The following INPP4A variants were observed in gnomAD, a reference collection of about 807,000 sequenced individuals.
INPP4A encodes the protein inositol polyphosphate-4-phosphatase type I A, also known as inositol polyphosphate-4-phosphatase, type I, 107kD.
In INPP4A, 33 loss-of-function variants were observed where a neutral mutation model predicts 119.8. The observed-to-expected ratio is 0.28, with a 90% CI of 0.21 to 0.37. INPP4A has a LOEUF of 0.37. Among genes scored for constraint, INPP4A ranks in the 10% least tolerant of loss-of-function variants. The probability of loss-of-function intolerance (pLI) is 1.00; values close to 1 mark genes in which losing one functional copy is unlikely to be tolerated. For missense variants in INPP4A, 956 were observed against 1,289.9 expected (o/e 0.74, Z 3.97); for synonymous variants, 496 against 500.7 (o/e 0.99, Z 0.12).
At chr2:98,519,222 T>C (rs1219848496) in intron 2 of INPP4A, 197 bp downstream of exon 2, 1 of 152,260 alleles carries the variant, frequency 6.6e-6, no homozygotes, top group Non-Finnish European at 1.5e-5. Context: ...GCAGGAGTTG[T>C]AGCATATAGG....
chr2:98,489,752 A>G (rs1001417498), intron 1 of INPP4A, among the ~76,000 whole-genome samples: 24 of 152,092 alleles, frequency 1.6e-4, no homozygotes, highest in African/African-American at 5.6e-4. Flanking sequence ...GTCTGTAACT[A>G]TGGAGAGGTA....
chr2:98,503,833 A>G (rs1031166465), intron 1 of INPP4A, among the ~76,000 whole-genome samples: 5 of 152,150 alleles, frequency 3.3e-5, no homozygotes, highest in Non-Finnish European at 4.4e-5. Context: ...TCCCTTCCCT[A>G]TTAGCCTGAT....
chr2:98,479,771 G>A (rs1412703231), intron 1 of INPP4A, among the ~76,000 whole-genome samples: 2 of 152,200 alleles, frequency 1.3e-5, no homozygotes, highest in African/African-American at 4.8e-5. Flanking sequence ...TGTCTCCTTT[G>A]TCCCTGTTTG....
chr2:98,458,675 T>C (rs1400216233), intron 1 of INPP4A, among the ~76,000 whole-genome samples: 3 of 152,328 alleles, frequency 2.0e-5, no homozygotes, highest in East Asian at 3.9e-4. Context: ...GCTGGTATCC[T>C]GGGTGAGACT....
At chr2:98,549,053 C>A in intron 13 of INPP4A, 2 of 1,274,138 alleles carry the variant, frequency 1.6e-6, no homozygotes, top group Non-Finnish European at 1.1e-6. Flanking sequence ...ACACCTCCTC[C>A]TGTGGGCTTC....
intron 1 of INPP4A, among the ~76,000 whole-genome samples, chr2:98,516,834 A>G (rs1418127174): frequency 6.6e-6 from 1 of 152,140 alleles, no homozygotes; most frequent in Non-Finnish European, 1.5e-5. Context: ...TGTCATCTTG[A>G]TGCAGCCGCC....
At chr2:98,485,967 G>T (rs1435517270) in intron 1 of INPP4A, among the ~76,000 whole-genome samples, 2 of 152,158 alleles carry the variant, frequency 1.3e-5, no homozygotes, top group Admixed American at 1.3e-4. Flanking sequence ...AGGGGAGGGG[G>T]CCTCCAGATG....
At chr2:98,496,718 A>G (rs952177759) in intron 1 of INPP4A, among the ~76,000 whole-genome samples, 3 of 152,236 alleles carry the variant, frequency 2.0e-5, no homozygotes, top group Non-Finnish European at 2.9e-5. Flanking sequence ...CTGAATAGAC[A>G]TTTCCCAAAA....
At chr2:98,541,095 A>C (rs961376081) in intron 10 of INPP4A, among the ~76,000 whole-genome samples, 2 of 152,224 alleles carry the variant, frequency 1.3e-5, no homozygotes, top group Non-Finnish European at 1.5e-5. Context: ...TGGGAGGCTG[A>C]GGCAGGTGGA....
intron 13 of INPP4A, among the ~76,000 whole-genome samples, chr2:98,548,718 C>T (rs565007906): frequency 5.9e-5 from 9 of 152,240 alleles, no homozygotes; most frequent in South Asian, 2.1e-4. Flanking sequence ...CCTTTAAATG[C>T]GGAGGTAACT....
chr2:98,471,491 A>G (rs1362683420), intron 1 of INPP4A, among the ~76,000 whole-genome samples: 2 of 152,200 alleles, frequency 1.3e-5, no homozygotes, highest in Non-Finnish European at 2.9e-5. Flanking sequence ...CTGTTAGACC[A>G]TCTGAGAATT....
At chr2:98,561,227 T>A (rs1267787208) in intron 17 of INPP4A, among the ~76,000 whole-genome samples, 1 of 152,198 alleles carries the variant, frequency 6.6e-6, no homozygotes, top group Non-Finnish European at 1.5e-5. Context: ...GGTTAGGAAC[T>A]AGATAAGGAG....
chr2:98,473,948 A>G (rs1250786870), intron 1 of INPP4A, among the ~76,000 whole-genome samples: 1 of 152,310 alleles, frequency 6.6e-6, no homozygotes, highest in South Asian at 2.1e-4. Flanking sequence ...ACAAAGTGAT[A>G]TATCGAGAAG....
At chr2:98,491,064 G>GACAA (rs1257860283) in intron 1 of INPP4A, among the ~76,000 whole-genome samples, 1 of 152,172 alleles carries the variant, frequency 6.6e-6, no homozygotes, top group Non-Finnish European at 1.5e-5. Flanking sequence ...GGGTCAGACA[G>GACAA]ACAATAGTAG....
intron 1 of INPP4A, among the ~76,000 whole-genome samples, chr2:98,515,457 G>A (rs1183221700): frequency 2.0e-5 from 3 of 151,892 alleles, no homozygotes; most frequent in Non-Finnish European, 2.9e-5. Flanking sequence ...GGGGTAGGAC[G>A]GGATCCGGTG....
chr2:98,536,256 C>T (rs1690247245), intron 7 of INPP4A, 48 bp downstream of exon 7: 2 of 1,198,560 alleles, frequency 1.7e-6, no homozygotes, highest in South Asian at 2.5e-5. Flanking sequence ...ATCATGAGGT[C>T]CAGGGACAGA....
rs2106584864 is a variant in INPP4A at position 98,593,225 on chromosome 2, G to C, written c.*5617G>C. ...TTTCACACTGTTGTCCCACATAACA[G>C]AAAAAGCTGAGCAGACAGGGTAGGA... On this transcript the variant is annotated 3_prime_UTR_variant, in exon 25 of 25. Transcript: ENST00000409851. The C allele has an allele frequency of 6.6e-6, 1 of 152,494 alleles. No individual in the cohort carries two copies. Among genetic ancestry groups the C allele is most frequent in the South Asian group, 2.1e-4 (1 of 4,834 alleles). The allele number at this position is 152,494 out of a possible 1,614,324, so 9.4% of individuals were successfully genotyped here. A position where few individuals can be genotyped will look rare whatever the true frequency, so the allele number is the denominator to read the frequency against.
At chr2:98,451,667 GCTGT>G (rs1229880411) in intron 1 of INPP4A, among the ~76,000 whole-genome samples, 8 of 152,116 alleles carry the variant, frequency 5.3e-5, no homozygotes, top group East Asian at 3.9e-4. Context: ...TGTTATGGAA[GCTGT>G]CTATTATTAA....
chr2:98,494,639 G>C (rs1396638723), intron 1 of INPP4A, among the ~76,000 whole-genome samples: 1 of 151,048 alleles, frequency 6.6e-6, no homozygotes, highest in Non-Finnish European at 1.5e-5. Context: ...AAAAAAAAAT[G>C]GAGAGTTTGG....
Sources: allele counts gnomAD v4.1 joint callset (sites outside exome capture counted in the v4.1 genomes callset), GRCh38; gene constraint gnomAD v4.1.1; transcripts MANE v1.5; gene names NCBI Gene and HGNC (gene_info 2026-07-23, HGNC 2026-07-21).